The following PARM1 variants were observed in gnomAD, a reference collection of about 807,000 sequenced individuals.
The protein encoded by PARM1 is WSC4, cell wall integrity and stress response component 4 homolog.
A neutral mutation model predicts 24.6 loss-of-function variants in PARM1; 14 were observed. That is an observed-to-expected ratio of 0.57 (90% CI 0.38 to 0.89). The LOEUF is 0.89. Ranked by LOEUF, PARM1 falls within the 40% of genes least tolerant of loss-of-function variation. PARM1 has a pLI of 0.00. For synonymous variants in PARM1, 179 were observed against 156.6 expected (o/e 1.14, Z -1.07); for missense variants, 362 against 380.4 (o/e 0.95, Z 0.40).
At chr4:74,986,749 G>GA (rs201772910) in intron 1 of PARM1, among the ~76,000 whole-genome samples, 2,635 of 152,116 alleles carry the variant, frequency 0.017, 65 homozygotes, top group African/African-American at 0.06. Flanking sequence ...AATTTCAATG[G>GA]AAAAAAATGA....
In PARM1 at chr4:75,048,685, G is replaced by T. The variant is rs925291932; in HGVS notation, c.*2438G>T. 6.6e-6 allele frequency: 1 copy of T among 152,012 alleles called. No homozygotes were observed. The highest frequency in any genetic ancestry group is 1.5e-5 in the Non-Finnish European group (1 of 67,946). 9.4% of individuals were successfully genotyped at this position (152,012 alleles called of 1,614,324 possible). On this transcript the variant is annotated 3_prime_UTR_variant, in exon 4 of 4. Transcript: ENST00000307428. ...AAGCAGGCATTTTTTTTTTCTTACC[G>T]AAAGGCTGCTATTGTGCAAGGGCAC...
At position 75,012,990 on chromosome 4, in the gene PARM1, C is replaced by G. The variant is rs756437114; in HGVS notation, c.609C>G (p.Asp203Glu). The G allele has an allele frequency of 1.2e-5, 20 of 1,613,864 alleles. No homozygotes were observed. Among genetic ancestry groups the G allele is most frequent in the Non-Finnish European group, 1.6e-5 (19 of 1,179,904 alleles). The change falls in exon 2 of 4, where the codon GAC becomes GAG. Residue 203 changes from aspartate (D) to glutamate (E), a missense_variant. Asp to Glu is a conservative substitution (Grantham distance 45, BLOSUM62 2). Transcript: ENST00000307428. ...CCCCGACAGAGGAGTCCAGCTCTGA[C>G]CACACACCCACTTCACATGCCACAG... ...PESPTEESSS[D>E]HTPTSHATAE...
chr4:75,018,263 T>C (rs1351589937), intron 2 of PARM1, among the ~76,000 whole-genome samples: 1 of 152,148 alleles, frequency 6.6e-6, no homozygotes, highest in African/African-American at 2.4e-5. Context: ...ACTGTAGATG[T>C]AGGAAGGACG....
intron 1 of PARM1, among the ~76,000 whole-genome samples, chr4:75,000,481 A>G (rs1022394236): frequency 6.6e-6 from 1 of 152,166 alleles, no homozygotes; most frequent in South Asian, 2.1e-4. Context: ...TAGTGGGTTT[A>G]CTGGCATCCT....
At position 74,993,162 on chromosome 4, in the gene PARM1, C is replaced by T. The variant is rs1300530052; in HGVS notation, c.44-19263C>T. Reference sequence around the variant, plus strand: ...CTTTCATTTTGCTTAAACTCTTTCCCTGTTTCTTCCTGCTTGCTTGCTTGG... The same window carrying T: ...CTTTCATTTTGCTTAAACTCTTTCCTTGTTTCTTCCTGCTTGCTTGCTTGG... On this transcript the variant is annotated intron_variant, in intron 1 of 3. Coordinates refer to ENST00000307428, the MANE Select transcript of PARM1 (RefSeq NM_015393.4). 2.6e-5 allele frequency among the ~76,000 whole-genome samples: 4 copies of T among 152,120 alleles called. No individual in the cohort carries two copies. The East Asian group carries it at 7.7e-4, about 29-fold the overall frequency.
At chr4:75,019,037 G>A (rs1424985718) in intron 2 of PARM1, among the ~76,000 whole-genome samples, 1 of 152,250 alleles carries the variant, frequency 6.6e-6, no homozygotes, top group Non-Finnish European at 1.5e-5. Flanking sequence ...AGTGGGAGGG[G>A]AAGCAGATGG....
intron 2 of PARM1, among the ~76,000 whole-genome samples, chr4:75,026,147 G>T (rs891406937): frequency 1.3e-5 from 2 of 152,186 alleles, no homozygotes; most frequent in African/African-American, 4.8e-5. Context: ...TCCTTAGAAA[G>T]ATGCTTTCTT....
At chr4:75,045,754 G>A (rs17000134) in intron 3 of PARM1, among the ~76,000 whole-genome samples, 5,312 of 152,326 alleles carry the variant, frequency 0.035, 326 homozygotes, top group African/African-American at 0.12. Flanking sequence ...GGTGGTGATA[G>A]CAACAGTGGT....
At chr4:74,984,522 T>C (rs775117903) in intron 1 of PARM1, among the ~76,000 whole-genome samples, 53 of 152,326 alleles carry the variant, frequency 3.5e-4, no homozygotes, top group Non-Finnish European at 3.5e-4. Flanking sequence ...AGAATTTACT[T>C]AAAGGAGTGA....
At chr4:75,006,136 T>C (rs1309708440) in intron 1 of PARM1, among the ~76,000 whole-genome samples, 1 of 152,228 alleles carries the variant, frequency 6.6e-6, no homozygotes. Context: ...TATGGAGGCA[T>C]GACTTTTTAA....
chr4:75,031,008 C>T (rs1254756877), intron 2 of PARM1, among the ~76,000 whole-genome samples: 1 of 152,168 alleles, frequency 6.6e-6, no homozygotes, highest in Non-Finnish European at 1.5e-5. Context: ...TAAAGTTGCG[C>T]TAACATGGGC....
At chr4:74,951,541 C>T (rs1207338645) in intron 1 of PARM1, among the ~76,000 whole-genome samples, 12 of 152,100 alleles carry the variant, frequency 7.9e-5, no homozygotes, top group Admixed American at 6.5e-4. Context: ...CTGCACCCAT[C>T]AACCCGTCAT....
chr4:74,947,970 C>T (rs548939334), intron 1 of PARM1, among the ~76,000 whole-genome samples: 3 of 152,304 alleles, frequency 2.0e-5, no homozygotes, highest in African/African-American at 7.2e-5. Context: ...GCAGAGAGGT[C>T]ACTCTTGTTT....
intron 1 of PARM1, among the ~76,000 whole-genome samples, chr4:74,990,272 AG>A (rs1444283198): frequency 6.6e-6 from 1 of 152,192 alleles, no homozygotes; most frequent in Non-Finnish European, 1.5e-5. Context: ...TCCATTGCAC[AG>A]GGTTATTAAT....
chr4:74,944,142 G>A (rs1307412952), intron 1 of PARM1, among the ~76,000 whole-genome samples: 2 of 152,148 alleles, frequency 1.3e-5, no homozygotes, highest in Non-Finnish European at 2.9e-5. Context: ...GCTACATCAT[G>A]AAACAAATAC....
rs960804697 is a variant in PARM1 at position 74,957,626 on chromosome 4, C to A, written c.43+24256C>A. 5.9e-5 allele frequency among the ~76,000 whole-genome samples: 9 copies of A among 152,214 alleles called. No individual in the cohort carries two copies. The Middle Eastern group carries it at 0.01, about 173-fold the overall frequency. ...AAACAGATGATTCAATATAGAGGTG[C>A]CTATATGACATTAGAAGTCAAGGAG... On this transcript the variant is annotated intron_variant, in intron 1 of 3. Coordinates refer to ENST00000307428, the MANE Select transcript of PARM1 (RefSeq NM_015393.4).
At chr4:74,936,696 C>A (rs552138289) in intron 1 of PARM1, among the ~76,000 whole-genome samples, 1 of 152,118 alleles carries the variant, frequency 6.6e-6, no homozygotes, top group Admixed American at 6.5e-5. Flanking sequence ...ACCTCGTGAT[C>A]CACCAGCCTC....
intron 1 of PARM1, among the ~76,000 whole-genome samples, chr4:74,982,384 C>A (rs1722274125): frequency 1.3e-5 from 2 of 152,190 alleles, no homozygotes; most frequent in African/African-American, 4.8e-5. Flanking sequence ...GTATGTGCAG[C>A]AAATCACCAT....
intron 1 of PARM1, among the ~76,000 whole-genome samples, chr4:74,936,449 G>GTTT (rs1417414604): frequency 7.0e-6 from 1 of 143,868 alleles, no homozygotes; most frequent in African/African-American, 2.6e-5. Context: ...TTTTTTTTTT[G>GTTT]TTTGTTTTTT....
Sources: gnomAD v4.1 joint callset for allele counts (sites outside exome capture counted in the v4.1 genomes callset) on GRCh38, gnomAD v4.1.1 for gene constraint, MANE v1.5 for transcripts, NCBI Gene and HGNC (gene_info 2026-07-23, HGNC 2026-07-21) for gene names.